Variants in PLCB1 observed in about 807,000 individuals in gnomAD.
PLCB1 encodes 1-phosphatidylinositol 4,5-bisphosphate phosphodiesterase beta-1.
In PLCB1, 46 loss-of-function variants were observed where a neutral mutation model predicts 161.8. That is an observed-to-expected ratio of 0.28 (90% CI 0.22 to 0.36). The LOEUF is 0.36. Ranked by LOEUF, PLCB1 falls within the 10% of genes least tolerant of loss-of-function variation. The probability of loss-of-function intolerance (pLI) is 1.00; values close to 1 mark genes in which losing one functional copy is unlikely to be tolerated. For synonymous variants in PLCB1, 517 were observed against 503.7 expected, an observed-to-expected ratio of 1.03 and a Z score of -0.35; for missense variants, 1,016 against 1,472.5, an observed-to-expected ratio of 0.69 and a Z score of 5.07.
intron 3 of PLCB1, among the ~76,000 whole-genome samples, chr20:8,420,344 C>G (rs1979486887): frequency 6.6e-6 from 1 of 152,148 alleles, no homozygotes; most frequent in Non-Finnish European, 1.5e-5. Context: ...CAGTGAACCA[C>G]TGGGCTTATT....
At chr20:8,856,620 AAAATAAAT>A (rs764798335) in intron 31 of PLCB1, among the ~76,000 whole-genome samples, 1 of 152,222 alleles carries the variant, frequency 6.6e-6, no homozygotes, top group African/African-American at 2.4e-5. Flanking sequence ...GTGTCTCAAA[AAAATAAAT>A]AAATAAAAAG....
chr20:8,851,890 T>C (rs962121624), intron 31 of PLCB1, among the ~76,000 whole-genome samples: 3 of 152,150 alleles, frequency 2.0e-5, no homozygotes, highest in Admixed American at 6.5e-5. Flanking sequence ...AGTACAAGTG[T>C]TCATAGAAGC....
At chr20:8,256,595 A>C (rs751129818) in intron 2 of PLCB1, 2 of 152,174 alleles carry the variant, frequency 1.3e-5, no homozygotes, top group Non-Finnish European at 2.9e-5. Context: ...AGGGGAAAAT[A>C]ATCTCCAATT....
chr20:8,770,227 C>T (rs1430670363), intron 26 of PLCB1, among the ~76,000 whole-genome samples: 1 of 152,058 alleles, frequency 6.6e-6, no homozygotes, highest in Non-Finnish European at 1.5e-5. Flanking sequence ...GCTGGGATTA[C>T]AGGCGTGAGC....
intron 23 of PLCB1, among the ~76,000 whole-genome samples, chr20:8,756,197 C>A (rs1981728862): frequency 6.6e-6 from 1 of 152,132 alleles, no homozygotes; most frequent in South Asian, 2.1e-4. Context: ...AGAAACAATT[C>A]TAAGTACTTT....
chr20:8,317,155 T>C (rs1984696418), intron 2 of PLCB1, among the ~76,000 whole-genome samples: 1 of 152,098 alleles, frequency 6.6e-6, no homozygotes, highest in Non-Finnish European at 1.5e-5. Flanking sequence ...AGAGGCTGAA[T>C]GACATCAAAG....
intron 2 of PLCB1, among the ~76,000 whole-genome samples, chr20:8,349,339 A>C (rs1971093457): frequency 6.6e-6 from 1 of 152,230 alleles, no homozygotes; most frequent in Non-Finnish European, 1.5e-5. Context: ...TGACATATTT[A>C]CAGTCACAAT....
chr20:8,188,519 A>G (rs989368594), intron 2 of PLCB1, among the ~76,000 whole-genome samples: 2 of 152,166 alleles, frequency 1.3e-5, no homozygotes, highest in African/African-American at 4.8e-5. Flanking sequence ...GCATTTTCCT[A>G]TAAAAATTAG....
intron 2 of PLCB1, among the ~76,000 whole-genome samples, chr20:8,271,993 T>A (rs1448483434): frequency 6.6e-6 from 1 of 152,088 alleles, no homozygotes; most frequent in Non-Finnish European, 1.5e-5. Flanking sequence ...ATATGTACGT[T>A]TGTGTCATCC....
chr20:8,857,893 T>G (rs1987121872), intron 31 of PLCB1, among the ~76,000 whole-genome samples: 1 of 152,198 alleles, frequency 6.6e-6, no homozygotes, highest in Admixed American at 6.5e-5. Context: ...AAATGCCTCT[T>G]TGTATCTTTT....
At chr20:8,499,535 A>G (rs1983315785) in intron 3 of PLCB1, among the ~76,000 whole-genome samples, 2 of 152,218 alleles carry the variant, frequency 1.3e-5, no homozygotes, top group Admixed American at 1.3e-4. Flanking sequence ...AGAGAATTGT[A>G]TTTGTATACT....
chr20:8,225,613 T>G (rs1979639561), intron 2 of PLCB1, among the ~76,000 whole-genome samples: 1 of 152,212 alleles, frequency 6.6e-6, no homozygotes, highest in Admixed American at 6.5e-5. Context: ...TATTATAGAG[T>G]CTACTTTCTG....
rs549797524 is a variant in PLCB1, at chr20:8,151,378, T to C, written c.177+1007T>C. Among the ~76,000 whole-genome samples, 22 of 152,260 alleles carry C rather than the reference T, an allele frequency of 1.4e-4. No individual in the cohort carries two copies. The South Asian group carries it at 2.7e-3, about 19-fold the overall frequency. ...TCTCTGAGGCAAGCTCAATTATACC[T>C]GTGTCTGGTCCCAGGGCCACTCCTG... On this transcript the variant is annotated intron_variant, in intron 2 of 31. Transcript: ENST00000338037.
chr20:8,724,894 CTTG>C (rs1979849457), intron 16 of PLCB1, 142 bp downstream of exon 16: 7 of 589,434 alleles, frequency 1.2e-5, no homozygotes, highest in Non-Finnish European at 1.8e-5. Flanking sequence ...TTTTGACTGC[CTTG>C]TTACTTTACA....
chr20:8,753,032 A>G (rs73601599), intron 23 of PLCB1, among the ~76,000 whole-genome samples: 162 of 152,108 alleles, frequency 1.1e-3, no homozygotes, highest in African/African-American at 3.8e-3. Flanking sequence ...GTGGCATTAG[A>G]TTCCCATAGG....
At chr20:8,794,563 T>C (rs1388341728) in intron 31 of PLCB1, among the ~76,000 whole-genome samples, 1 of 152,228 alleles carries the variant, frequency 6.6e-6, no homozygotes, top group Non-Finnish European at 1.5e-5. Context: ...TTTCTTCCTG[T>C]TCTTCCATTT....
At chr20:8,681,086 GTATATATATATATATA>G (rs202198416) in intron 9 of PLCB1, among the ~76,000 whole-genome samples, 2 of 73,854 alleles carry the variant, frequency 2.7e-5, no homozygotes, top group East Asian at 4.2e-4. Flanking sequence ...ATGTGTGTGT[GTATATATATATATATA>G]TATATATATA....
rs1393286616 is a variant in PLCB1 at position 8,682,709 on chromosome 20, A to G, written c.863-2223A>G. Among the ~76,000 whole-genome samples the G allele has an allele frequency of 2.0e-5, 3 of 152,318 alleles. No individual in the cohort carries two copies. The East Asian group carries it at 5.8e-4, about 29-fold the overall frequency. Reference sequence around the variant, plus strand: ...AATCAGTAAAAATTAGAATTGTTAAATGTTGTCATTTTACTGATAGGTTTG... The same window carrying G: ...AATCAGTAAAAATTAGAATTGTTAAGTGTTGTCATTTTACTGATAGGTTTG... On this transcript the variant is annotated intron_variant, in intron 9 of 31. Transcript: ENST00000338037.
intron 2 of PLCB1, among the ~76,000 whole-genome samples, chr20:8,163,097 G>A (rs760354820): frequency 1.3e-5 from 2 of 152,230 alleles, no homozygotes; most frequent in Non-Finnish European, 2.9e-5. Flanking sequence ...TCAAGTTCAA[G>A]TGGTTTATTT....
Sources: gnomAD v4.1 joint callset for allele counts (sites outside exome capture counted in the v4.1 genomes callset) on GRCh38, gnomAD v4.1.1 for gene constraint, MANE v1.5 for transcripts, NCBI Gene and HGNC (gene_info 2026-07-23, HGNC 2026-07-21) for gene names.